The following FRMD6 variants were observed in gnomAD, a reference collection of about 807,000 sequenced individuals.
FRMD6 encodes the protein FERM domain containing 6, also known as FERM domain-containing protein 6.
Under a neutral mutation model 73.2 loss-of-function variants are expected in FRMD6, and 37 were observed. That is an observed-to-expected ratio of 0.51 (90% CI 0.39 to 0.66). The LOEUF is 0.66. Ranked by LOEUF, FRMD6 falls within the 30% of genes least tolerant of loss-of-function variation. FRMD6 has a pLI of 0.00. For missense variants in FRMD6, 714 were observed against 780.5 expected (o/e 0.91, Z 1.02); for synonymous variants, 273 against 282.2 (o/e 0.97, Z 0.33).
intron 2 of FRMD6, among the ~76,000 whole-genome samples, chr14:51,610,954 C>A (rs1890467315): frequency 6.6e-6 from 1 of 152,040 alleles, no homozygotes; most frequent in Non-Finnish European, 1.5e-5. Flanking sequence ...TTTCCAAATC[C>A]CCTGGCTTGC....
intron 11 of FRMD6, chr14:51,720,607 A>T: frequency 3.6e-6 from 2 of 559,782 alleles, no homozygotes; most frequent in Non-Finnish European, 6.4e-6. Context: ...ACAAGACTGG[A>T]TGGTTGTAGA....
At chr14:51,712,588 A>C in intron 9 of FRMD6, 37 bp downstream of exon 9, 3 of 1,272,048 alleles carry the variant, frequency 2.4e-6, no homozygotes, top group Non-Finnish European at 3.4e-6. Context: ...GAAAAGTCTC[A>C]TTAATTGCTT....
At chr14:51,610,337 T>TAA (rs540289033) in intron 2 of FRMD6, among the ~76,000 whole-genome samples, 3,913 of 144,926 alleles carry the variant, frequency 0.027, 74 homozygotes, top group Non-Finnish European at 0.041. Flanking sequence ...CCCTTTTTTT[T>TAA]TAAAAAAAAA....
intron 2 of FRMD6, among the ~76,000 whole-genome samples, chr14:51,607,898 C>T (rs373073773): frequency 1.5e-4 from 23 of 152,332 alleles, no homozygotes; most frequent in African/African-American, 4.6e-4. Context: ...TCCCATCTCA[C>T]AGTCACAGCA....
chr14:51,474,008 A>G, the FRMD6 span, among the ~76,000 whole-genome samples: 30 of 151,848 alleles, frequency 2.0e-4, no homozygotes, highest in African/African-American at 7.2e-4. Context: ...CATCACAAAA[A>G]CCCTACGAAA....
chr14:51,584,561 T>G (rs937958400), intron 2 of FRMD6, among the ~76,000 whole-genome samples: 1 of 152,174 alleles, frequency 6.6e-6, no homozygotes, highest in African/African-American at 2.4e-5. Flanking sequence ...TTATAATTAC[T>G]TCTGTATGGA....
intron 1 of FRMD6, among the ~76,000 whole-genome samples, chr14:51,653,387 T>G (rs1892573393): frequency 6.6e-6 from 1 of 152,214 alleles, no homozygotes; most frequent in Non-Finnish European, 1.5e-5. Flanking sequence ...TGTAAGTCAT[T>G]TCCTTTCTGT....
chr14:51,660,987 GT>G (rs1235920696), intron 1 of FRMD6, among the ~76,000 whole-genome samples: 5 of 152,184 alleles, frequency 3.3e-5, no homozygotes, highest in Non-Finnish European at 2.9e-5. Context: ...GAGAGAAGGA[GT>G]AGTAGATAAG....
At chr14:51,612,700 G>C (rs774601667) in intron 2 of FRMD6, among the ~76,000 whole-genome samples, 1 of 152,098 alleles carries the variant, frequency 6.6e-6, no homozygotes, top group Non-Finnish European at 1.5e-5. Flanking sequence ...GACCTCTAAG[G>C]CACCTTCAAA....
intron 1 of FRMD6, among the ~76,000 whole-genome samples, chr14:51,498,208 C>T (rs769640005): frequency 6.6e-6 from 1 of 152,184 alleles, no homozygotes; most frequent in Non-Finnish European, 1.5e-5. Context: ...TAGCATTAGC[C>T]AGACCCATAA....
the FRMD6 span, among the ~76,000 whole-genome samples, chr14:51,409,264 C>G: frequency 2.1e-4 from 32 of 149,640 alleles, no homozygotes; most frequent in East Asian, 3.4e-3. Flanking sequence ...CCTGAGTTGA[C>G]AAATCCCTCA....
rs539867191 is a variant in FRMD6, at chr14:51,619,041, T to A, written c.-147+48631T>A. On this transcript the variant is annotated intron_variant, in intron 2 of 14. Transcript: ENST00000356218. ...AAATATAATCAATCATTGGGTGATTTAGAATTCCCTTAACTGTGATTTTGG... is the reference window on the plus strand; with the variant it reads ...AAATATAATCAATCATTGGGTGATTAAGAATTCCCTTAACTGTGATTTTGG... Among the ~76,000 whole-genome samples, 5 of 152,074 alleles carry A rather than the reference T, an allele frequency of 3.3e-5. No homozygotes were observed. In the East Asian group the frequency reaches 5.8e-4, roughly 18 times the overall value.
At chr14:51,717,176 G>C (rs1286284304) in intron 10 of FRMD6, 1 of 148,540 alleles carries the variant, frequency 6.7e-6, no homozygotes. Context: ...AGGTGTCTTT[G>C]TTTGTTTTGT....
intron 2 of FRMD6, among the ~76,000 whole-genome samples, chr14:51,634,412 C>A (rs1891464617): frequency 6.6e-6 from 1 of 152,158 alleles, no homozygotes; most frequent in African/African-American, 2.4e-5. Context: ...TGAATGAATG[C>A]TTATCCTCTC....
intron 1 of FRMD6, among the ~76,000 whole-genome samples, chr14:51,561,512 G>A (rs17124197): frequency 0.25 from 38,518 of 152,138 alleles, 4,936 homozygotes; most frequent in Middle Eastern, 0.34. Context: ...AGAGGCTGAA[G>A]CTGTGAATCA....
At chr14:51,625,423 T>A (rs1350433592) in intron 2 of FRMD6, among the ~76,000 whole-genome samples, 1 of 152,066 alleles carries the variant, frequency 6.6e-6, no homozygotes, top group Non-Finnish European at 1.5e-5. Flanking sequence ...AAGCCTATAT[T>A]TGTCCCATGG....
chr14:51,562,177 G>T (rs976808595), intron 1 of FRMD6, among the ~76,000 whole-genome samples: 3 of 152,120 alleles, frequency 2.0e-5, no homozygotes, highest in Admixed American at 1.3e-4. Flanking sequence ...TTTCTATCCC[G>T]CCCATCCCTG....
chr14:51,504,704 G>A (rs1332845781), intron 1 of FRMD6, among the ~76,000 whole-genome samples: 1 of 152,190 alleles, frequency 6.6e-6, no homozygotes, highest in Non-Finnish European at 1.5e-5. Flanking sequence ...TCTGGGCCCA[G>A]AGAATCAAAT....
chr14:51,618,774 A>T (rs187862459), intron 2 of FRMD6, among the ~76,000 whole-genome samples: 1 of 152,260 alleles, frequency 6.6e-6, no homozygotes, highest in Non-Finnish European at 1.5e-5. Flanking sequence ...TTGCTTTCAG[A>T]ATCATTCAAT....
Sources: allele counts gnomAD v4.1 joint callset (sites outside exome capture counted in the v4.1 genomes callset), GRCh38; gene constraint gnomAD v4.1.1; transcripts MANE v1.5; gene names NCBI Gene and HGNC (gene_info 2026-07-23, HGNC 2026-07-21).